DOCK3: variants seen among roughly 807,000 people sequenced by gnomAD.
The protein encoded by DOCK3 is dedicator of cytokinesis 3.
DOCK3 carries 60 observed loss-of-function variants against 265.6 expected under a neutral mutation model. The ratio of observed to expected loss-of-function variants is 0.23; its 90% CI spans 0.18 to 0.28. DOCK3 has a LOEUF of 0.28. Ranked by LOEUF, DOCK3 falls within the 10% of genes least tolerant of loss-of-function variation. DOCK3 has a pLI of 1.00. For synonymous variants in DOCK3, 881 were observed against 938.0 expected (o/e 0.94, Z 1.11); for missense variants, 1,981 against 2,594.3 (o/e 0.76, Z 5.14).
chr3:50,734,230 C>T (rs2038416212), intron 1 of DOCK3, among the ~76,000 whole-genome samples: 2 of 152,078 alleles, frequency 1.3e-5, no homozygotes, highest in African/African-American at 4.8e-5. Context: ...GAATTTAGGC[C>T]AGGCATAGTG....
At chr3:50,973,095 TGCAGACTTAAATTTC>T (rs2077302039) in intron 5 of DOCK3, among the ~76,000 whole-genome samples, 1 of 143,200 alleles carries the variant, frequency 7.0e-6, no homozygotes, top group African/African-American at 2.5e-5. Flanking sequence ...CTTTTATTTT[TGCAGACTTAAATTTC>T]TTTTTTTTTT....
At chr3:50,831,063 A>G (rs906231255) in intron 2 of DOCK3, among the ~76,000 whole-genome samples, 1 of 152,046 alleles carries the variant, frequency 6.6e-6, no homozygotes, top group Non-Finnish European at 1.5e-5. Context: ...ACTGGTGGGC[A>G]TGTCTTTTAG....
At chr3:50,868,217 G>A (rs142290985) in intron 3 of DOCK3, among the ~76,000 whole-genome samples, 11 of 152,186 alleles carry the variant, frequency 7.2e-5, no homozygotes, top group Middle Eastern at 3.4e-3. Flanking sequence ...GGGATTACAG[G>A]CACGTGCCAC....
chr3:51,366,958 A>G (rs1396617586), intron 49 of DOCK3, among the ~76,000 whole-genome samples: 1 of 152,168 alleles, frequency 6.6e-6, no homozygotes, highest in Non-Finnish European at 1.5e-5. Context: ...AGAAGAATGT[A>G]TATTCTGTTG....
At chr3:51,015,336 T>G (rs928281867) in intron 5 of DOCK3, among the ~76,000 whole-genome samples, 1 of 152,022 alleles carries the variant, frequency 6.6e-6, no homozygotes. Flanking sequence ...AAGATTTTTA[T>G]TATGAAGGGA....
chr3:51,339,128 C>A, intron 37 of DOCK3, 100 bp downstream of exon 37: 2 of 1,023,332 alleles, frequency 2.0e-6, no homozygotes, highest in Non-Finnish European at 2.8e-6. Flanking sequence ...CCTGCCAGAT[C>A]TCAGCAGAAT....
chr3:51,088,365 T>C (rs572251665), intron 7 of DOCK3, among the ~76,000 whole-genome samples: 1 of 152,254 alleles, frequency 6.6e-6, no homozygotes, highest in Admixed American at 6.5e-5. Flanking sequence ...GGGGTGAGTG[T>C]AGTTAACAGT....
intron 12 of DOCK3, among the ~76,000 whole-genome samples, chr3:51,177,451 C>T (rs2087021014): frequency 6.6e-6 from 1 of 152,078 alleles, no homozygotes. Context: ...TTTAGGCGTT[C>T]TTTTTGTTTT....
intron 5 of DOCK3, among the ~76,000 whole-genome samples, chr3:51,008,019 C>G (rs2108743622): frequency 2.0e-5 from 3 of 152,290 alleles, no homozygotes; most frequent in Admixed American, 2.0e-4. Context: ...GTTTTGGTTA[C>G]TGTAGCCTTG....
intron 27 of DOCK3, among the ~76,000 whole-genome samples, chr3:51,296,946 C>T (rs1227048323): frequency 3.3e-5 from 5 of 151,286 alleles, no homozygotes; most frequent in African/African-American, 1.2e-4. Context: ...TGGGGAAACC[C>T]GTCTTTACTA....
At chr3:51,011,848 G>A (rs1209019106) in intron 5 of DOCK3, among the ~76,000 whole-genome samples, 2 of 152,206 alleles carry the variant, frequency 1.3e-5, no homozygotes, top group Non-Finnish European at 2.9e-5. Flanking sequence ...TAACAGTCAG[G>A]TTCCTGAGCT....
Position 51,254,907 on chromosome 3 carries a change from A to G in DOCK3, c.2185-5249A>G, listed in dbSNP as rs200121686. 5.3e-4 allele frequency among the ~76,000 whole-genome samples: 80 copies of G among 152,298 alleles called. No homozygotes were observed. The East Asian group carries it at 8.9e-3, about 17-fold the overall frequency. On this transcript the variant is annotated intron_variant, in intron 22 of 52. Transcript: ENST00000266037. The stretch of plus-strand genomic sequence containing the variant: ...AGTTATATGTGAATTTGATCCTGTC[A>G]TTATGATGTTAGCTGGTTATTTTGC...
rs758878571 is a variant in DOCK3, at chr3:51,357,013, C to G, written c.4555C>G (p.Gln1519Glu). Residue 1519 changes from glutamine (Q) to glutamate (E), a missense_variant, in exon 44 of 53, where the codon CAG (glutamine) becomes GAG (glutamate). Physicochemically the swap from Gln to Glu is conservative, Grantham distance 29. Transcript: ENST00000266037. ...CATCCAAGTGGTTGAGAATAAGAAC[C>G]AGGAGCTACGCTCCCTGATCAGCCA... ...NAIQVVENKN[Q>E]ELRSLISQYQ... 1.2e-5 allele frequency: 19 copies of G among 1,613,476 alleles called. No individual in the cohort carries two copies. The highest frequency in any genetic ancestry group is 1.5e-5 in the Non-Finnish European group (18 of 1,179,860).
At chr3:51,139,253 G>A (rs12630889) in intron 9 of DOCK3, among the ~76,000 whole-genome samples, 131,121 of 149,402 alleles carry the variant, frequency 0.88, 57,285 homozygotes, top group East Asian at 0.93. Flanking sequence ...CTCAACTGCA[G>A]TGGGGGGAGG....
chr3:50,904,105 T>C (rs529884812), intron 4 of DOCK3, among the ~76,000 whole-genome samples: 7 of 152,368 alleles, frequency 4.6e-5, no homozygotes, highest in Admixed American at 3.9e-4. Context: ...TCCTTTCTTA[T>C]GGCTGCATAG....
chr3:51,330,242 A>C lies in DOCK3; in HGVS notation c.3488+19A>C. The stretch of plus-strand genomic sequence containing the variant: ...GCCTACTGTAAGCTGCTCCAGCCCC[A>C]GGCACACCACACTGGGGGATGGGAT... On this transcript the variant is annotated intron_variant, in intron 33 of 52. Coordinates refer to ENST00000266037, the MANE Select transcript of DOCK3 (RefSeq NM_004947.5). 12 of 1,576,840 alleles carry C rather than the reference A, an allele frequency of 7.6e-6. No individual in the cohort carries two copies. The highest frequency in any genetic ancestry group is 9.5e-6 in the Non-Finnish European group (11 of 1,160,680).
intron 5 of DOCK3, among the ~76,000 whole-genome samples, chr3:50,990,966 A>G (rs1189115861): frequency 1.3e-5 from 2 of 152,158 alleles, no homozygotes; most frequent in Non-Finnish European, 2.9e-5. Context: ...CCTTCAATCC[A>G]ATCAAGTTCA....
At chr3:50,881,436 T>A (rs1277861386) in intron 3 of DOCK3, 1 of 152,188 alleles carries the variant, frequency 6.6e-6, no homozygotes, top group Non-Finnish European at 1.5e-5. Context: ...GGATACAAAA[T>A]CAATGTGCAA....
intron 27 of DOCK3, among the ~76,000 whole-genome samples, chr3:51,305,783 C>A (rs2109418387): frequency 7.3e-6 from 1 of 136,408 alleles, no homozygotes; most frequent in African/African-American, 2.7e-5. Flanking sequence ...GGCAGGTCTA[C>A]AAATAGAAAA....
Sources: gnomAD v4.1 joint callset for allele counts (sites outside exome capture counted in the v4.1 genomes callset) on GRCh38, gnomAD v4.1.1 for gene constraint, MANE v1.5 for transcripts, NCBI Gene and HGNC (gene_info 2026-07-23, HGNC 2026-07-21) for gene names.